The following ESR1 variants were observed in gnomAD, a reference collection of about 807,000 sequenced individuals.
The protein encoded by ESR1 is estrogen receptor 1, also known as estrogen receptor.
In ESR1, 12 loss-of-function variants were observed where a neutral mutation model predicts 52.7. The observed-to-expected ratio is 0.23, with a 90% confidence interval of 0.15 to 0.37. The LOEUF is 0.37. Among genes scored for constraint, ESR1 ranks in the 10% least tolerant of loss-of-function variants. ESR1 has a pLI of 1.00. For missense variants in ESR1, 584 were observed against 779.7 expected (o/e 0.75, Z 2.99); for synonymous variants, 305 against 316.8 (o/e 0.96, Z 0.39).
chr6:151,850,093 A>G (rs951101878), intron 2 of ESR1, among the ~76,000 whole-genome samples: 2 of 10,496 alleles, frequency 1.9e-4, no homozygotes, highest in Admixed American at 1.0e-3. Context: ...TATATATATA[A>G]TTTTATATAT....
chr6:152,059,098 CA>C (rs879340781), intron 5 of ESR1, among the ~76,000 whole-genome samples: 21 of 152,042 alleles, frequency 1.4e-4, no homozygotes, highest in Non-Finnish European at 2.8e-4. Flanking sequence ...AATAAATCCC[CA>C]AAAATGGTTG....
intron 4 of ESR1, among the ~76,000 whole-genome samples, chr6:151,951,469 A>G (rs1005231289): frequency 1.3e-5 from 2 of 152,226 alleles, no homozygotes; most frequent in Non-Finnish European, 2.9e-5. Flanking sequence ...AGTTTCACTT[A>G]ATTTATATTA....
chr6:152,032,423 G>T, intron 5 of ESR1, among the ~76,000 whole-genome samples: 1 of 152,200 alleles, frequency 6.6e-6, no homozygotes, highest in Non-Finnish European at 1.5e-5. Flanking sequence ...TCCTTAAGCT[G>T]ATAAGCAGCT....
chr6:152,016,245 A>G (rs183108197), intron 5 of ESR1, among the ~76,000 whole-genome samples: 14 of 152,256 alleles, frequency 9.2e-5, no homozygotes, highest in Non-Finnish European at 8.8e-5. Context: ...TTTCTTTTAT[A>G]TATTACCCAG....
At chr6:151,881,920 A>G (rs964360600) in intron 3 of ESR1, among the ~76,000 whole-genome samples, 2 of 151,544 alleles carry the variant, frequency 1.3e-5, no homozygotes, top group African/African-American at 2.4e-5. Flanking sequence ...AAATAAATAA[A>G]TAAATAAATA....
intron 2 of ESR1, among the ~76,000 whole-genome samples, chr6:151,723,881 C>T (rs751738791): frequency 1.6e-4 from 25 of 151,924 alleles, no homozygotes; most frequent in Admixed American, 1.3e-4. Context: ...GGAAAACAAA[C>T]AAACAAAAGA....
chr6:151,802,068 G>A (rs571026962), upstream of ESR1, among the ~76,000 whole-genome samples: 1 of 152,296 alleles, frequency 6.6e-6, no homozygotes, highest in African/African-American at 2.4e-5. Flanking sequence ...TACTTTCATT[G>A]GGATGATTGT....
At position 151,988,836 on chromosome 6, in the gene ESR1, CT is replaced by C. The variant is rs1056697467; in HGVS notation, c.1097-22814del. 8.6e-5 allele frequency among the ~76,000 whole-genome samples: 13 copies of C among 151,836 alleles called. 1 individual carries two copies. The highest frequency in any genetic ancestry group is 3.1e-4 in the African/African-American group (13 of 41,290). ...ATATACTTGTATATGAAAAAAATATCTTTTTTCTTTCATTTTATTTTCCAAA... is the reference window on the plus strand; with the variant it reads ...ATATACTTGTATATGAAAAAAATATCTTTTTCTTTCATTTTATTTTCCAAA... On this transcript the variant is annotated intron_variant, in intron 4 of 7. Coordinates refer to ENST00000206249, the MANE Select transcript of ESR1 (RefSeq NM_000125.4).
intron 6 of ESR1, among the ~76,000 whole-genome samples, chr6:152,108,318 G>A (rs904191839): frequency 6.6e-6 from 1 of 152,212 alleles, no homozygotes; most frequent in Admixed American, 6.5e-5. Context: ...TGACCAAACT[G>A]GGGGAGGTAA....
intron 3 of ESR1, among the ~76,000 whole-genome samples, chr6:151,895,391 T>C (rs1449054267): frequency 6.6e-6 from 1 of 152,190 alleles, no homozygotes; most frequent in African/African-American, 2.4e-5. Context: ...CCTTTATTTC[T>C]TTCTCTTGTC....
intron 4 of ESR1, among the ~76,000 whole-genome samples, chr6:151,965,824 A>AG (rs1219493300): frequency 1.4e-5 from 2 of 144,462 alleles, no homozygotes; most frequent in African/African-American, 2.6e-5. Context: ...TAGGTTGATA[A>AG]GGTTTATAAT....
intron 3 of ESR1, among the ~76,000 whole-genome samples, chr6:151,890,500 A>T (rs2128364123): frequency 6.6e-6 from 1 of 152,322 alleles, no homozygotes; most frequent in Non-Finnish European, 1.5e-5. Context: ...TGTTAAGTCC[A>T]TCTGTGCTAA....
At chr6:151,824,086 C>A (rs1392532817) in intron 1 of ESR1, among the ~76,000 whole-genome samples, 2 of 152,126 alleles carry the variant, frequency 1.3e-5, no homozygotes, top group African/African-American at 2.4e-5. Context: ...ACAGTCCCAC[C>A]AACAGTGTAA....
intron 1 of ESR1, among the ~76,000 whole-genome samples, chr6:151,675,096 G>C (rs1363716433): frequency 6.6e-6 from 1 of 152,226 alleles, no homozygotes; most frequent in African/African-American, 2.4e-5. Context: ...CTAAGGGTGA[G>C]AGAGAATGGC....
At chr6:151,924,891 T>C (rs1276889545) in intron 3 of ESR1, among the ~76,000 whole-genome samples, 2 of 152,208 alleles carry the variant, frequency 1.3e-5, no homozygotes, top group Non-Finnish European at 2.9e-5. Flanking sequence ...TCCATGTTTT[T>C]GCTATTGTGA....
In ESR1 at chr6:152,086,462, C is replaced by T. The variant is rs928782376; in HGVS notation, c.1370-7923C>T. Among the ~76,000 whole-genome samples the T allele has an allele frequency of 8.2e-4, 122 of 149,340 alleles. 6 individuals are homozygous for T. Among genetic ancestry groups the T allele is most frequent in the Admixed American group, 7.8e-3 (117 of 14,922 alleles). On this transcript the variant is annotated intron_variant, in intron 6 of 7. Transcript: ENST00000206249. ...ATTTAAATAAATATAATATTTCTTA[C>T]AAAAATTAAAAACTGGGACTTTATA... is the stretch of plus-strand genomic sequence containing the variant.
At chr6:151,707,063 T>C (rs1780240311) in intron 2 of ESR1, among the ~76,000 whole-genome samples, 1 of 152,192 alleles carries the variant, frequency 6.6e-6, no homozygotes, top group African/African-American at 2.4e-5. Context: ...GCTCTAATGT[T>C]GAAGGAGCAT....
intron 1 of ESR1, among the ~76,000 whole-genome samples, chr6:151,680,591 G>A (rs576911763): frequency 1.3e-5 from 2 of 152,184 alleles, no homozygotes; most frequent in South Asian, 4.1e-4. Flanking sequence ...CCCATCACAA[G>A]GCCCTGACCT....
intron 4 of ESR1, among the ~76,000 whole-genome samples, chr6:151,998,002 C>G (rs190255469): frequency 4.9e-4 from 75 of 152,174 alleles, no homozygotes; most frequent in African/African-American, 1.5e-3. Context: ...TTCCTCTATA[C>G]GTTAGCTTTT....
Sources: allele counts gnomAD v4.1 joint callset (sites outside exome capture counted in the v4.1 genomes callset), GRCh38; gene constraint gnomAD v4.1.1; transcripts MANE v1.5; gene names NCBI Gene and HGNC (gene_info 2026-07-23, HGNC 2026-07-21).